CIBAR2: variants seen among roughly 807,000 people sequenced by gnomAD.
The protein encoded by CIBAR2 is CBY1-interacting BAR domain-containing protein 2.
In CIBAR2, 38 loss-of-function variants were observed where a neutral mutation model predicts 36.2. That is an observed-to-expected ratio of 1.05 (90% CI 0.81 to 1.38). CIBAR2 has a LOEUF of 1.38. Among genes scored for constraint, CIBAR2 ranks in the 40% most tolerant of loss-of-function variants. CIBAR2 has a pLI of 0.00. For missense variants in CIBAR2, 481 were observed against 383.4 expected (o/e 1.25, Z -2.13); for synonymous variants, 182 against 149.5 (o/e 1.22, Z -1.58).
rs757600756 is a variant in CIBAR2 at position 85,110,219 on chromosome 16, C to T, written c.255+7G>A. On this transcript the variant is annotated splice_region_variant and intron_variant, in intron 2 of 8. Coordinates refer to ENST00000539556, the MANE Select transcript of CIBAR2 (RefSeq NM_198491.3). ...CAGCATCCCAGACCCGGGCCGGCAG[C>T]ACTCACCTGGGCCTGCCGGTAATCC... 3 of 1,543,984 alleles carry T rather than the reference C, an allele frequency of 1.9e-6. No homozygotes were observed. The highest frequency in any genetic ancestry group is 2.6e-6 in the Non-Finnish European group (3 of 1,139,976).
At chr16:85,107,156 AG>A (rs369442682) in intron 5 of CIBAR2, among the ~76,000 whole-genome samples, 270 of 149,554 alleles carry the variant, frequency 1.8e-3, no homozygotes, top group South Asian at 3.7e-3. Flanking sequence ...CTCAAAAAAA[AG>A]GGGGGGGGCA....
chr16:85,106,656 A>G (rs1056117372), intron 5 of CIBAR2, among the ~76,000 whole-genome samples: 3 of 152,230 alleles, frequency 2.0e-5, no homozygotes, highest in Admixed American at 6.5e-5. Flanking sequence ...TGGAACTTCC[A>G]GAAGGAACCA....
intron 5 of CIBAR2, 29 bp from the exon 6 acceptor site, chr16:85,105,460 G>C (rs1406010944): frequency 6.5e-7 from 1 of 1,542,264 alleles, no homozygotes; most frequent in East Asian, 2.2e-5. Context: ...GACGTAGAAA[G>C]TGTCATGGGG....
In CIBAR2 at chr16:85,110,285, C is replaced by T. The variant is rs188484129; in HGVS notation, c.196G>A (p.Ala66Thr). 40 of 1,609,208 alleles carry T rather than the reference C, an allele frequency of 2.5e-5. No individual in the cohort carries two copies. The highest frequency in any genetic ancestry group is 3.3e-5 in the Non-Finnish European group (39 of 1,176,970). ...TCCTCAGCGAAGCCCCTCATGGTGG[C>T]CCGCAGCTCGGGGTTCTCGGAGTTG... ...FANSENPELRATMRGFAEDLA... is the reference protein window; with the variant it reads ...FANSENPELRTTMRGFAEDLA... The change falls in exon 2 of 9, where the codon GCC becomes ACC. Residue 66 changes from alanine to threonine, a missense_variant. Coordinates refer to ENST00000539556, the MANE Select transcript of CIBAR2 (RefSeq NM_198491.3).
chr16:85,099,580 C>T (rs368328775), intron 8 of CIBAR2, among the ~76,000 whole-genome samples: 4 of 151,364 alleles, frequency 2.6e-5, no homozygotes, highest in African/African-American at 7.3e-5. Context: ...CGGCAGGGAC[C>T]GTGTGGCCTA....
intron 7 of CIBAR2, among the ~76,000 whole-genome samples, chr16:85,100,935 T>A (rs1567557413): frequency 6.6e-6 from 1 of 151,976 alleles, no homozygotes; most frequent in Non-Finnish European, 1.5e-5. Context: ...TAGTCCCAGC[T>A]ACTCGGGAGG....
At position 85,098,728 on chromosome 16, in the gene CIBAR2, T is replaced by C; in HGVS notation, c.*457A>G. 2.8e-6 allele frequency: 2 copies of C among 718,664 alleles called. No homozygotes were observed. Among genetic ancestry groups the C allele is most frequent in the African/African-American group, 1.9e-5 (1 of 51,944 alleles). The allele number at this position is 718,664 out of a possible 1,614,324, so 44.5% of individuals were successfully genotyped here. A position where few individuals can be genotyped will look rare whatever the true frequency, so the allele number is the denominator to read the frequency against. ...ACGACAGCAACATCAGTAATGATAA[T>C]GGCAGCAACAAGTCTCAAGTGTTTG... On this transcript the variant is annotated 3_prime_UTR_variant, in exon 9 of 9. Coordinates refer to ENST00000539556, the MANE Select transcript of CIBAR2 (RefSeq NM_198491.3).
chr16:85,101,611 C>G (rs58780142), intron 7 of CIBAR2, among the ~76,000 whole-genome samples: 1 of 152,112 alleles, frequency 6.6e-6, no homozygotes, highest in Non-Finnish European at 1.5e-5. Flanking sequence ...TATTTCAAAA[C>G]TACATCAAGC....
At chr16:85,107,725 G>T in intron 4 of CIBAR2, 53 bp from the exon 5 acceptor site, 1 of 1,611,592 alleles carries the variant, frequency 6.2e-7, no homozygotes, top group South Asian at 1.1e-5. Flanking sequence ...CCCCGTTGGG[G>T]TGGTCCGCCC....
At chr16:85,110,618 C>T (rs370452082) in intron 1 of CIBAR2, among the ~76,000 whole-genome samples, 158 bp from the exon 2 acceptor site, 19 of 151,736 alleles carry the variant, frequency 1.3e-4, no homozygotes, top group African/African-American at 3.9e-4. Flanking sequence ...GGCAGCATCA[C>T]GGCCATTGAG....
rs199902827 is a variant in CIBAR2 at position 85,110,407 on chromosome 16, A to G, written c.74T>C (p.Phe25Ser). ...GGCCAGCAGCGAGCAGAACTGCCCA[A>G]AGTACTTCTCGGTGTTGGCCACGGT... ...ENTVANTEKY[F>S]GQFCSLLAAY... is the part of the protein sequence containing the mutation. The change falls in exon 2 of 9, where the codon TTT becomes TCT. Residue 25 changes from phenylalanine to serine, a missense_variant. By Grantham distance (155) the Phe-to-Ser change is radical. Transcript: ENST00000539556. 2.5e-6 allele frequency: 4 copies of G among 1,612,662 alleles called. No individual in the cohort carries two copies. In the African/African-American group the frequency reaches 5.3e-5, roughly 22 times the overall value.
At chr16:85,110,704 C>CTTTTTTTTTTTTTTT (rs746973381) in intron 1 of CIBAR2, among the ~76,000 whole-genome samples, 1 of 93,898 alleles carries the variant, frequency 1.1e-5, no homozygotes, top group African/African-American at 4.9e-5. Flanking sequence ...CAGACCTGGC[C>CTTTTTTTTTTTTTTT]TTTTTTTTTT....
At chr16:85,110,580 G>A (rs2074034281) in intron 1 of CIBAR2, 120 bp from the exon 2 acceptor site, 18 of 672,726 alleles carry the variant, frequency 2.7e-5, no homozygotes, top group South Asian at 2.6e-4. Flanking sequence ...GGTGTGGCAC[G>A]CACATGCCAC....
chr16:85,106,669 C>G (rs7198346), intron 5 of CIBAR2, among the ~76,000 whole-genome samples: 43,895 of 152,092 alleles, frequency 0.29, 6,480 homozygotes, highest in African/African-American at 0.35. Context: ...AGGAACCAGC[C>G]CTTTCCACAC....
At chr16:85,101,060 A>G (rs67569227) in intron 7 of CIBAR2, among the ~76,000 whole-genome samples, 70,405 of 150,184 alleles carry the variant, frequency 0.47, 16,728 homozygotes, top group Middle Eastern at 0.51. Context: ...AAAAAAAAAA[A>G]TGGTGACACT....
intron 2 of CIBAR2, among the ~76,000 whole-genome samples, chr16:85,108,870 A>G (rs2074018700): frequency 6.6e-6 from 1 of 152,192 alleles, no homozygotes; most frequent in African/African-American, 2.4e-5. Context: ...GCGAGACTCC[A>G]TCTCAGAAAA....
At position 85,099,366 on chromosome 16, in the gene CIBAR2, C is replaced by T; in HGVS notation, c.754-20G>A. On this transcript the variant is annotated intron_variant, in intron 8 of 8. Coordinates refer to ENST00000539556, the MANE Select transcript of CIBAR2 (RefSeq NM_198491.3). ...AGTTCCCTGCAGAAATATAAATGCA[C>T]CTGATGGCAGGCCTTCCTGGGGCTG... is the stretch of plus-strand genomic sequence containing the variant. 3.7e-6 allele frequency: 5 copies of T among 1,363,488 alleles called. No homozygotes were observed. Among genetic ancestry groups the T allele is most frequent in the Non-Finnish European group, 5.3e-6 (5 of 951,510 alleles). The allele number at this position is 1,363,488 out of a possible 1,614,324, so 84.5% of individuals were successfully genotyped here.
chr16:85,107,306 C>T (rs186765162), intron 5 of CIBAR2, among the ~76,000 whole-genome samples: 5 of 152,226 alleles, frequency 3.3e-5, no homozygotes, highest in East Asian at 1.9e-4. Context: ...AGACAGCATG[C>T]GGGGTCCCTT....
At chr16:85,110,046 C>A (rs2074028116) in intron 2 of CIBAR2, among the ~76,000 whole-genome samples, 180 bp downstream of exon 2, 1 of 152,174 alleles carries the variant, frequency 6.6e-6, no homozygotes, top group African/African-American at 2.4e-5. Flanking sequence ...CCTAGGCTCT[C>A]AATCCTGCAG....
Sources: gnomAD v4.1 joint callset for allele counts (sites outside exome capture counted in the v4.1 genomes callset) on GRCh38, gnomAD v4.1.1 for gene constraint, MANE v1.5 for transcripts, NCBI Gene and HGNC (gene_info 2026-07-23, HGNC 2026-07-21) for gene names.